The following BMPR2 variants were observed in gnomAD, a reference collection of about 807,000 sequenced individuals.
BMPR2 encodes the protein bone morphogenetic protein receptor type 2, also known as bone morphogenetic protein receptor type-2.
Under a neutral mutation model 100.8 loss-of-function variants are expected in BMPR2, and 29 were observed. The ratio of observed to expected loss-of-function variants is 0.29; its 90% CI spans 0.21 to 0.39. The LOEUF is 0.39. Ranked by LOEUF, BMPR2 falls within the 10% of genes least tolerant of loss-of-function variation. BMPR2 has a pLI of 1.00. For synonymous variants in BMPR2, 382 were observed against 442.3 expected (o/e 0.86, Z 1.71); for missense variants, 1,011 against 1,274.5 (o/e 0.79, Z 3.15).
At chr2:202,504,252 T>C (rs967145291) in intron 3 of BMPR2, among the ~76,000 whole-genome samples, 3 of 152,108 alleles carry the variant, frequency 2.0e-5, no homozygotes, top group Non-Finnish European at 4.4e-5. Context: ...GTTCTTTAGC[T>C]CTTTGCAATA....
intron 9 of BMPR2, among the ~76,000 whole-genome samples, chr2:202,536,510 TAATTA>T (rs1393950943): frequency 6.6e-6 from 1 of 152,168 alleles, no homozygotes; most frequent in African/African-American, 2.4e-5. Context: ...ATTTTCTAGT[TAATTA>T]AAAGTACAGA....
intron 1 of BMPR2, among the ~76,000 whole-genome samples, chr2:202,433,593 C>G (rs1691549156): frequency 6.6e-6 from 1 of 150,636 alleles, no homozygotes; most frequent in African/African-American, 2.5e-5. Flanking sequence ...AGCAGTTTTA[C>G]AAATGGATAA....
intron 11 of BMPR2, among the ~76,000 whole-genome samples, chr2:202,554,525 AT>A (rs941190140): frequency 2.6e-4 from 40 of 151,634 alleles, no homozygotes; most frequent in South Asian, 8.4e-4. Flanking sequence ...CTGTATAACA[AT>A]TTTTTTTTCT....
chr2:202,427,045 A>T (rs1404133272), intron 1 of BMPR2, among the ~76,000 whole-genome samples: 1 of 152,206 alleles, frequency 6.6e-6, no homozygotes, highest in Non-Finnish European at 1.5e-5. Flanking sequence ...ATTTAGATGG[A>T]ATCTAGTGAT....
At chr2:202,524,367 A>G (rs1036874439) in intron 7 of BMPR2, among the ~76,000 whole-genome samples, 10 of 150,204 alleles carry the variant, frequency 6.7e-5, no homozygotes, top group African/African-American at 2.5e-4. Flanking sequence ...GTCTCAAAAA[A>G]AAAAAAAAAA....
chr2:202,404,685 G>A (rs1444504211), intron 1 of BMPR2, among the ~76,000 whole-genome samples: 2 of 152,274 alleles, frequency 1.3e-5, no homozygotes, highest in African/African-American at 2.4e-5. Flanking sequence ...ATTAGGTTGG[G>A]TATATTGGGT....
intron 1 of BMPR2, among the ~76,000 whole-genome samples, chr2:202,411,066 C>G (rs557222248): frequency 1.3e-5 from 2 of 152,024 alleles, no homozygotes; most frequent in East Asian, 3.9e-4. Context: ...TTGTTGCAGG[C>G]AAGAATCAAC....
At chr2:202,508,812 A>C (rs1687574117) in intron 3 of BMPR2, among the ~76,000 whole-genome samples, 1 of 152,228 alleles carries the variant, frequency 6.6e-6, no homozygotes, top group Non-Finnish European at 1.5e-5. Flanking sequence ...TGGCATGATC[A>C]AGAAAGCATC....
At chr2:202,385,975 A>G (rs1255347719) in intron 1 of BMPR2, among the ~76,000 whole-genome samples, 1 of 152,028 alleles carries the variant, frequency 6.6e-6, no homozygotes, top group East Asian at 1.9e-4. Context: ...GCATGAGCCA[A>G]TTTAATCCTT....
In BMPR2 at chr2:202,467,571, A is replaced by G; in HGVS notation, c.300A>G (p.Val100=). The change falls in exon 3 of 13, where the codon GTA becomes GTG. Residue 100 remains valine (V), a synonymous_variant. Transcript: ENST00000374580. ...DPQECHYEEC[V]VTTTPPSIQN... The stretch of plus-strand genomic sequence containing the variant: ...AAGAGTGTCACTATGAAGAATGTGT[A>G]GTAACTACCACTCCTCCCTCAATTC... The G allele has an allele frequency of 3.8e-6, 6 of 1,574,904 alleles. No individual in the cohort carries two copies. Among genetic ancestry groups the G allele is most frequent in the Non-Finnish European group, 5.2e-6 (6 of 1,144,330 alleles).
chr2:202,401,527 A>T (rs1209009762), intron 1 of BMPR2, among the ~76,000 whole-genome samples: 1 of 152,218 alleles, frequency 6.6e-6, no homozygotes, highest in Non-Finnish European at 1.5e-5. Context: ...GCCAACTGAA[A>T]TATCTTCATC....
chr2:202,458,282 G>GGAAAAA (rs1559044718), intron 1 of BMPR2, among the ~76,000 whole-genome samples: 1 of 45,410 alleles, frequency 2.2e-5, no homozygotes, highest in Non-Finnish European at 4.3e-5. Flanking sequence ...CCTTGTCTCT[G>GGAAAAA]CAAAAAAAAA....
Position 202,561,068 on chromosome 2 carries a change from A to G in BMPR2, c.*1122A>G, listed in dbSNP as rs887123390. Reference sequence around the variant, plus strand: ...AGAAGTAATTTATAGTTCTGAACCTATAGTATCTTTTACCCTGTTCCCAAG... The same window carrying G: ...AGAAGTAATTTATAGTTCTGAACCTGTAGTATCTTTTACCCTGTTCCCAAG... On this transcript the variant is annotated 3_prime_UTR_variant, in exon 13 of 13. Transcript: ENST00000374580. 6.6e-6 allele frequency: 1 copy of G among 152,038 alleles called. No individual in the cohort carries two copies. The highest frequency in any genetic ancestry group is 2.4e-5 in the African/African-American group (1 of 41,410). 9.4% of individuals were successfully genotyped at this position (152,038 alleles called of 1,614,324 possible). A position where few individuals can be genotyped will look rare whatever the true frequency, so the allele number is the denominator to read the frequency against.
chr2:202,517,610 A>G (rs936769851), intron 5 of BMPR2, among the ~76,000 whole-genome samples: 1 of 151,744 alleles, frequency 6.6e-6, no homozygotes, highest in African/African-American at 2.4e-5. Context: ...TCAGCCTCCC[A>G]AAGTGCTGGG....
rs188609750 is a variant in BMPR2 at position 202,566,754 on chromosome 2, G to A, written c.*6808G>A. On this transcript the variant is annotated 3_prime_UTR_variant, in exon 13 of 13. Transcript: ENST00000374580. ...TTGGATGGTTTTGAGAAAATAACCT[G>A]TATTTATCACATTGTCAAACAGAAT... 1.3e-5 allele frequency: 2 copies of A among 152,246 alleles called. No individual in the cohort carries two copies. The highest frequency in any genetic ancestry group is 6.5e-5 in the Admixed American group (1 of 15,296). The allele number at this position is 152,246 out of a possible 1,614,324, so 9.4% of individuals were successfully genotyped here. A position where few individuals can be genotyped will look rare whatever the true frequency, so the allele number is the denominator to read the frequency against.
At chr2:202,538,847 G>T (rs1284035264) in intron 9 of BMPR2, among the ~76,000 whole-genome samples, 3 of 149,988 alleles carry the variant, frequency 2.0e-5, no homozygotes, top group Non-Finnish European at 4.4e-5. Flanking sequence ...AGAAAGATGA[G>T]TTAATCCTGG....
rs1458076884 is a variant in BMPR2, at chr2:202,436,734, G to A, written c.77-28075G>A. 6.0e-5 allele frequency among the ~76,000 whole-genome samples: 9 copies of A among 150,398 alleles called. 2 individuals carry two copies. The highest frequency in any genetic ancestry group is 1.3e-4 in the African/African-American group (5 of 39,792). On this transcript the variant is annotated intron_variant, in intron 1 of 12. Coordinates refer to ENST00000374580, the MANE Select transcript of BMPR2 (RefSeq NM_001204.7). ...TATTTTATAATTCTAACTTATATATGTGGTCCTATTCCTAGAAAATGATGT... is the reference window on the plus strand; with the variant it reads ...TATTTTATAATTCTAACTTATATATATGGTCCTATTCCTAGAAAATGATGT...
chr2:202,409,504 C>G (rs1305775583), intron 1 of BMPR2, among the ~76,000 whole-genome samples: 2 of 152,050 alleles, frequency 1.3e-5, no homozygotes, highest in Non-Finnish European at 2.9e-5. Flanking sequence ...ATCACTTGAA[C>G]CCAGGAATTT....
intron 1 of BMPR2, among the ~76,000 whole-genome samples, chr2:202,451,698 TCAAAA>T (rs1691989105): frequency 6.6e-6 from 1 of 152,130 alleles, no homozygotes; most frequent in Non-Finnish European, 1.5e-5. Context: ...AGACTCTGTC[TCAAAA>T]CAACAACAAA....
Sources: gnomAD v4.1 joint callset for allele counts (sites outside exome capture counted in the v4.1 genomes callset) on GRCh38, gnomAD v4.1.1 for gene constraint, MANE v1.5 for transcripts, NCBI Gene and HGNC (gene_info 2026-07-23, HGNC 2026-07-21) for gene names.